The following MACF1 variants were observed in gnomAD, a reference collection of about 807,000 sequenced individuals.
The protein encoded by MACF1 is microtubule-actin cross-linking factor 1.
A neutral mutation model predicts 854.8 loss-of-function variants in MACF1; 193 were observed. That is an observed-to-expected ratio of 0.23 (90% CI 0.20 to 0.25). The LOEUF (loss-of-function observed/expected upper bound fraction) is 0.25, where lower values mean the gene tolerates loss of function less well. Ranked by LOEUF, MACF1 falls within the 10% of genes least tolerant of loss-of-function variation. The pLI, the probability that MACF1 is intolerant of heterozygous loss-of-function variation, is 1.00. For synonymous variants in MACF1, 3,185 were observed against 3,226.7 expected (o/e 0.99, Z 0.44); for missense variants, 7,722 against 8,929.1 (o/e 0.86, Z 5.45).
chr1:39,476,535 C>T (rs941876767), intron 97 of MACF1, among the ~76,000 whole-genome samples: 7 of 151,388 alleles, frequency 4.6e-5, no homozygotes, highest in African/African-American at 1.7e-4. Flanking sequence ...TGGGCCACTG[C>T]ACTCCAGCCT....
rs148693889 is a variant in MACF1, at chr1:39,313,624, G to C, written c.3271-1889G>C. On this transcript the variant is annotated intron_variant, in intron 26 of 100. Coordinates refer to ENST00000564288, the MANE Select transcript of MACF1 (RefSeq NM_001394062.1). ...TTATTTATGTCAATATATACTCATGGATTCTTATTTTATTCAATGGTGTGT... is the reference window on the plus strand; with the variant it reads ...TTATTTATGTCAATATATACTCATGCATTCTTATTTTATTCAATGGTGTGT... 8.6e-4 allele frequency among the ~76,000 whole-genome samples: 130 copies of C among 151,158 alleles called. 1 individual carries two copies. The highest frequency in any genetic ancestry group is 3.1e-3 in the African/African-American group (129 of 41,126).
At chr1:39,431,654 A>G (rs1164650369) in intron 66 of MACF1, among the ~76,000 whole-genome samples, 1 of 152,138 alleles carries the variant, frequency 6.6e-6, no homozygotes, top group East Asian at 1.9e-4. Context: ...TATATTGGCC[A>G]AGTTGAAGAG....
In MACF1 at chr1:39,197,653, C is replaced by T. The variant is rs1417707888; in HGVS notation, c.221-33529C>T. On this transcript the variant is annotated intron_variant, in intron 2 of 93. Coordinates refer to the MACF1 transcript ENST00000361689. ...ATCCCAGCACTTTGGGAGGCAGAGG[C>T]GGGAGGGTCACTCTTAAGGCCAGGA... is the stretch of plus-strand genomic sequence containing the variant. Among the ~76,000 whole-genome samples the T allele has an allele frequency of 2.0e-5, 3 of 151,648 alleles. No individual in the cohort carries two copies. The East Asian group carries it at 5.8e-4, about 30-fold the overall frequency.
intron 33 of MACF1, among the ~76,000 whole-genome samples, chr1:39,323,445 T>C (rs1646549320): frequency 6.6e-6 from 1 of 150,752 alleles, no homozygotes; most frequent in Non-Finnish European, 1.5e-5. Context: ...ATATGTAACA[T>C]ATAATTAAAT....
chr1:39,332,828 T>C lies in MACF1; in HGVS notation c.6240T>C (p.Asp2080=), dbSNP rs779747871. Residue 2080 remains aspartate, a synonymous_variant, in exon 37 of 101, where the codon GAT becomes GAC. Coordinates refer to ENST00000564288, the MANE Select transcript of MACF1 (RefSeq NM_001394062.1). The stretch of plus-strand genomic sequence containing the variant: ...CTTCTGTAGAGAACCCTGAACAGGA[T>C]CTGTTTGTAGAACAAAAAGAGAGAA... ...EDSSVENPEQ[D]LFVEQKERNP... 12 of 1,614,008 alleles carry C rather than the reference T, an allele frequency of 7.4e-6. No homozygotes were observed. The Admixed American group carries it at 8.3e-5, about 11-fold the overall frequency.
chr1:39,195,756 A>C (rs1644311206), intron 2 of MACF1, among the ~76,000 whole-genome samples: 1 of 152,212 alleles, frequency 6.6e-6, no homozygotes, highest in Non-Finnish European at 1.5e-5. Context: ...GCTGATAGGG[A>C]GAAATGTAAA....
At chr1:39,229,499 G>A (rs953570174) in intron 1 of MACF1, among the ~76,000 whole-genome samples, 4 of 152,154 alleles carry the variant, frequency 2.6e-5, no homozygotes, top group African/African-American at 9.7e-5. Flanking sequence ...GCTGAAGCTT[G>A]TATGAATTAC....
chr1:39,387,098 C>G, intron 57 of MACF1, 89 bp from the exon 58 acceptor site: 1 of 1,423,712 alleles, frequency 7.0e-7, no homozygotes. Flanking sequence ...TAGTTCCCTT[C>G]CCCCAAGATT....
chr1:39,179,587 G>T (rs906514714), intron 2 of MACF1, among the ~76,000 whole-genome samples: 2 of 152,094 alleles, frequency 1.3e-5, no homozygotes, highest in Admixed American at 6.6e-5. Flanking sequence ...AAAGAGCATT[G>T]CCTGACACAC....
Position 39,422,825 on chromosome 1 carries a change from C to A in MACF1, c.16074C>A (p.Thr5358=). Residue 5358 remains threonine, a synonymous_variant, in exon 60 of 101, where the codon ACC becomes ACA. Transcript: ENST00000564288. ...LEPLLSWLAD[T]EELIANQKPP... is the part of the protein sequence containing the mutation. ...CATTGCTCAGCTGGTTGGCAGATACCGAGGAGCTCATAGCCAATCAGAAAC... is the reference window on the plus strand; with the variant it reads ...CATTGCTCAGCTGGTTGGCAGATACAGAGGAGCTCATAGCCAATCAGAAAC... 1 of 1,614,098 alleles carries A rather than the reference C, an allele frequency of 6.2e-7. No homozygotes were observed. The highest frequency in any genetic ancestry group is 8.5e-7 in the Non-Finnish European group (1 of 1,180,014).
intron 2 of MACF1, among the ~76,000 whole-genome samples, chr1:39,174,994 T>C (rs1455544142): frequency 1.3e-5 from 2 of 152,194 alleles, no homozygotes; most frequent in Non-Finnish European, 2.9e-5. Context: ...TATAAACTGC[T>C]ACCTTCTTCC....
chr1:39,293,722 C>T (rs1234322439), intron 18 of MACF1, 103 bp downstream of exon 18: 6 of 1,141,706 alleles, frequency 5.3e-6, no homozygotes, highest in Non-Finnish European at 7.4e-6. Flanking sequence ...TTGCACTCTG[C>T]TAGATAGAAA....
chr1:39,390,808 A>G (rs1380439735), intron 58 of MACF1, among the ~76,000 whole-genome samples: 1 of 152,210 alleles, frequency 6.6e-6, no homozygotes, highest in South Asian at 2.1e-4. Context: ...TTAGGCTCCA[A>G]AATAGTTTTG....
chr1:39,098,788 C>T lies in MACF1; in HGVS notation c.220+14350C>T, dbSNP rs569093759. ...CTTGTCTTCCTGGGTGGCTGGCACCCTCCAGGCCTCTTAAATTGAGATGTT... is the reference window on the plus strand; with the variant it reads ...CTTGTCTTCCTGGGTGGCTGGCACCTTCCAGGCCTCTTAAATTGAGATGTT... On this transcript the variant is annotated intron_variant, in intron 2 of 93. Transcript: ENST00000361689. Among the ~76,000 whole-genome samples the T allele has an allele frequency of 3.9e-4, 59 of 152,266 alleles. 2 individuals carry two copies. In the South Asian group the frequency reaches 7.7e-3, roughly 20 times the overall value.
Position 39,372,399 on chromosome 1 carries a change from G to A in MACF1, c.13096-80G>A, listed in dbSNP as rs561876283. ...TCTTAATGCTTTTCAAAACACTAGG[G>A]AGTATATACAGAACAGATGTCCCTA... On this transcript the variant is annotated intron_variant, in intron 51 of 100. Transcript: ENST00000564288. 2.4e-5 allele frequency: 18 copies of A among 736,600 alleles called. 1 individual carries two copies. The highest frequency in any genetic ancestry group is 1.4e-4 in the African/African-American group (8 of 56,538). The allele number at this position is 736,600 out of a possible 1,614,324, so 45.6% of individuals were successfully genotyped here.
rs781133724 is a variant in MACF1, at chr1:39,357,779, A to G, written c.11829A>G (p.Lys3943=). The change falls in exon 45 of 101, where the codon AAA becomes AAG. Residue 3943 remains lysine (K), a synonymous_variant. Transcript: ENST00000564288. Reference sequence around the variant, plus strand: ...GATTTGTGACTATCTCAGGACAGAAAGTCTTGGACATGGAAAACAGTTTTA... The same window carrying G: ...GATTTGTGACTATCTCAGGACAGAAGGTCTTGGACATGGAAAACAGTTTTA... ...DLRFVTISGQ[K]VLDMENSFKE... 6.2e-7 allele frequency: 1 copy of G among 1,614,196 alleles called. No homozygotes were observed. Among genetic ancestry groups the G allele is most frequent in the Non-Finnish European group, 8.5e-7 (1 of 1,180,022 alleles).
At chr1:39,419,685 T>G (rs1434526366) in intron 58 of MACF1, among the ~76,000 whole-genome samples, 1 of 152,162 alleles carries the variant, frequency 6.6e-6, no homozygotes, top group East Asian at 1.9e-4. Context: ...CAGGCTGGAG[T>G]GCAGTGGCAT....
intron 2 of MACF1, among the ~76,000 whole-genome samples, chr1:39,186,470 A>T (rs941653411): frequency 2.6e-5 from 4 of 151,930 alleles, no homozygotes; most frequent in African/African-American, 9.7e-5. Context: ...ATAGGATAAA[A>T]TCCAAACTCA....
rs1159592728 is a variant in MACF1 at position 39,333,084 on chromosome 1, A to C, written c.6496A>C (p.Thr2166Pro). The change falls in exon 37 of 101, where the codon ACT becomes CCT. Residue 2166 changes from threonine (T) to proline (P), a missense_variant. Thr to Pro is a conservative substitution (Grantham distance 38). Coordinates refer to ENST00000564288, the MANE Select transcript of MACF1 (RefSeq NM_001394062.1). The part of the protein sequence containing the change: ...PKKEHQPLRN[T>P]SFTCQNEQAH... ...GAAAGAACATCAACCTCTAAGAAAC[A>C]CTTCCTTTACATGTCAGAATGAACA... is the stretch of plus-strand genomic sequence containing the variant. 2 of 1,614,114 alleles carry C rather than the reference A, an allele frequency of 1.2e-6. No homozygotes were observed. The highest frequency in any genetic ancestry group is 3.3e-5 in the Admixed American group (2 of 60,024).
Sources: gnomAD v4.1 joint callset for allele counts (sites outside exome capture counted in the v4.1 genomes callset) on GRCh38, gnomAD v4.1.1 for gene constraint, MANE v1.5 for transcripts, NCBI Gene and HGNC (gene_info 2026-07-23, HGNC 2026-07-21) for gene names.